HLCS: variants seen among roughly 807,000 people sequenced by gnomAD.
HLCS encodes the protein holocarboxylase synthetase.
HLCS carries 53 observed loss-of-function variants against 75.0 expected under a neutral mutation model. The observed-to-expected ratio is 0.71, with a 90% confidence interval of 0.57 to 0.89. HLCS has a LOEUF of 0.89. Among genes scored for constraint, HLCS ranks in the 40% least tolerant of loss-of-function variants. The pLI, the probability that HLCS is intolerant of heterozygous loss-of-function variation, is 0.00. For missense variants in HLCS, 966 were observed against 1,074.0 expected, an observed-to-expected ratio of 0.90 and a Z score of 1.41; for synonymous variants, 431 against 428.6, an observed-to-expected ratio of 1.01 and a Z score of -0.07.
chr21:36,760,579 C>T lies in HLCS; in HGVS notation c.2122-738G>A, dbSNP rs769168811. Among the ~76,000 whole-genome samples, 68 of 149,830 alleles carry T rather than the reference C, an allele frequency of 4.5e-4. 1 individual carries two copies. Among genetic ancestry groups the T allele is most frequent in the Admixed American group, 1.5e-3 (22 of 15,024 alleles). On this transcript the variant is annotated intron_variant, in intron 8 of 10. Coordinates refer to ENST00000674895, the MANE Select transcript of HLCS (RefSeq NM_001352514.2). ...GAGCCGAGATCGTGCCACTGCACTC[C>T]AGCCCAGGTGACAGGGCGAGACTCT...
At chr21:36,930,222 C>T (rs184572663) in intron 5 of HLCS, 29 bp downstream of exon 5, 5 of 1,597,024 alleles carry the variant, frequency 3.1e-6, no homozygotes, top group East Asian at 2.2e-5. Context: ...CGTCACAGCG[C>T]GCTCTGCCCA....
In HLCS at chr21:36,976,247, C is replaced by G. The variant is rs115652805; in HGVS notation, c.-393+13911G>C. ...CCCCAACTTGGACACATCTAAAAAG[C>G]TGCAGGTGGGATGTCATCAAAATCA... On this transcript the variant is annotated intron_variant, in intron 1 of 11. Transcript: ENST00000336648. Among the ~76,000 whole-genome samples the G allele has an allele frequency of 2.8e-3, 431 of 152,276 alleles. 2 individuals carry two copies. Among genetic ancestry groups the G allele is most frequent in the African/African-American group, 9.7e-3 (401 of 41,550 alleles).
At chr21:36,763,425 G>A (rs1207249243) in intron 8 of HLCS, among the ~76,000 whole-genome samples, 1 of 152,218 alleles carries the variant, frequency 6.6e-6, no homozygotes, top group African/African-American at 2.4e-5. Context: ...GATATGCAAG[G>A]ATGCTGGGTG....
In HLCS at chr21:36,961,956, G is replaced by GT; in HGVS notation, c.330+79_330+80insA. 5 of 672,090 alleles carry GT rather than the reference G, an allele frequency of 7.4e-6. No homozygotes were observed. In the South Asian group the frequency reaches 9.4e-5, roughly 13 times the overall value. 41.6% of individuals were successfully genotyped at this position (672,090 alleles called of 1,614,324 possible). On this transcript the variant is annotated intron_variant, in intron 2 of 10. Transcript: ENST00000674895. ...GTGACAGAGCAAGACTCTGTCTCAG[G>GT]AAAAAAAAAAAAAAAGCAAATTTGG... is the stretch of plus-strand genomic sequence containing the variant.
At chr21:36,976,370 A>T (rs1287756299) in intron 1 of HLCS, among the ~76,000 whole-genome samples, 1 of 151,894 alleles carries the variant, frequency 6.6e-6, no homozygotes, top group African/African-American at 2.4e-5. Flanking sequence ...TCAGTAAGTC[A>T]TTACTGTTTT....
In HLCS at chr21:36,836,759, A is replaced by G. The variant is rs191715657; in HGVS notation, c.1892+60101T>C. Among the ~76,000 whole-genome samples, 6 of 152,256 alleles carry G rather than the reference A, an allele frequency of 3.9e-5. No individual in the cohort carries two copies. The East Asian group carries it at 1.2e-3, about 29-fold the overall frequency. ...ATTTATGCAGCCAAAAAACACATGA[A>G]AAAATGCTCACCATCACTGCTCATC... On this transcript the variant is annotated intron_variant, in intron 6 of 10. Coordinates refer to ENST00000674895, the MANE Select transcript of HLCS (RefSeq NM_001352514.2).
chr21:36,763,771 G>A (rs779956852), intron 8 of HLCS, among the ~76,000 whole-genome samples: 8 of 152,204 alleles, frequency 5.3e-5, no homozygotes, highest in Non-Finnish European at 1.0e-4. Context: ...TATGGGAAGT[G>A]AAGCCCAAGT....
intron 6 of HLCS, among the ~76,000 whole-genome samples, chr21:36,866,528 T>C (rs186150063): frequency 8.5e-5 from 13 of 152,318 alleles, no homozygotes; most frequent in East Asian, 5.8e-4. Context: ...GCGAGTGCAT[T>C]ACATCTCCCA....
chr21:36,851,430 G>A lies in HLCS; in HGVS notation c.1892+45430C>T, dbSNP rs571641674. Among the ~76,000 whole-genome samples, 219 of 152,266 alleles carry A rather than the reference G, an allele frequency of 1.4e-3. 1 individual carries two copies. Among genetic ancestry groups the A allele is most frequent in the Admixed American group, 1.8e-3 (27 of 15,296 alleles). On this transcript the variant is annotated intron_variant, in intron 6 of 10. Transcript: ENST00000674895. ...TGCTCAGTGAAATAAGCCAGACATC[G>A]AAAGACAAACATTGTATGTCCTTAT...
intron 6 of HLCS, among the ~76,000 whole-genome samples, chr21:36,816,950 G>A (rs1475391493): frequency 1.3e-5 from 2 of 152,186 alleles, no homozygotes; most frequent in East Asian, 3.9e-4. Flanking sequence ...AGTCAGCTGT[G>A]AGCACTGCTC....
rs187582023 is a variant in HLCS, at chr21:36,818,990, G to A, written c.1893-51705C>T. Among the ~76,000 whole-genome samples the A allele has an allele frequency of 2.6e-3, 394 of 152,178 alleles. 2 individuals carry two copies. Among genetic ancestry groups the A allele is most frequent in the African/African-American group, 9.1e-3 (378 of 41,510 alleles). On this transcript the variant is annotated intron_variant, in intron 6 of 10. Transcript: ENST00000674895. ...CTGGATGGCCCTCAAGACTGACTGC[G>A]ACAAATTATAAAGCAACGTCGATGC...
intron 6 of HLCS, among the ~76,000 whole-genome samples, chr21:36,873,118 TC>T (rs2063828270): frequency 3.3e-5 from 5 of 151,596 alleles, no homozygotes; most frequent in South Asian, 2.1e-4. Context: ...CTGGCATTCT[TC>T]TTTTTTTTTG....
At chr21:36,825,284 C>T (rs1023409) in intron 6 of HLCS, among the ~76,000 whole-genome samples, 2 of 151,788 alleles carry the variant, frequency 1.3e-5, no homozygotes, top group African/African-American at 4.8e-5. Context: ...GCTACTTGAG[C>T]GGCTGAGGCG....
At chr21:36,758,102 A>C (rs980943096) in intron 9 of HLCS, among the ~76,000 whole-genome samples, 1 of 151,860 alleles carries the variant, frequency 6.6e-6, no homozygotes, top group Admixed American at 6.6e-5. Context: ...TTTATTTTTT[A>C]TTTTTATTTA....
intron 1 of HLCS, among the ~76,000 whole-genome samples, chr21:36,972,485 C>T (rs918788995): frequency 2.0e-5 from 3 of 152,044 alleles, no homozygotes; most frequent in African/African-American, 7.2e-5. Flanking sequence ...GACAGAATGA[C>T]AATAAGTAGG....
chr21:36,947,860 G>A (rs2067478233), intron 2 of HLCS: 1 of 985,322 alleles, frequency 1.0e-6, no homozygotes, highest in Non-Finnish European at 1.2e-6. Flanking sequence ...CTGGTACCCA[G>A]AGTCAGATCA....
chr21:36,801,983 A>G (rs1472563077), intron 6 of HLCS, among the ~76,000 whole-genome samples: 3 of 152,164 alleles, frequency 2.0e-5, no homozygotes, highest in Non-Finnish European at 4.4e-5. Context: ...TATATATAAT[A>G]TTCTTTAATA....
chr21:36,779,558 T>C lies in HLCS; in HGVS notation c.1893-12273A>G, dbSNP rs62223761. Among the ~76,000 whole-genome samples, 229 of 152,332 alleles carry C rather than the reference T, an allele frequency of 1.5e-3. 1 individual carries two copies. Among genetic ancestry groups the C allele is most frequent in the Non-Finnish European group, 2.5e-3 (169 of 68,038 alleles). ...TTTATTCATTTGCTCAATGCCATAA[T>C]ACACAGGGGGAAGTGGTCTCAGCAG... On this transcript the variant is annotated intron_variant, in intron 6 of 10. Transcript: ENST00000674895.
intron 6 of HLCS, among the ~76,000 whole-genome samples, chr21:36,879,977 G>T (rs2064140719): frequency 6.6e-6 from 1 of 151,468 alleles, no homozygotes; most frequent in South Asian, 2.1e-4. Context: ...AAATTGCCCA[G>T]TATCTGGTGC....
Sources: allele counts gnomAD v4.1 joint callset (sites outside exome capture counted in the v4.1 genomes callset), GRCh38; gene constraint gnomAD v4.1.1; transcripts MANE v1.5; gene names NCBI Gene and HGNC (gene_info 2026-07-23, HGNC 2026-07-21).